The following YY1 variants were observed in gnomAD, a reference collection of about 807,000 sequenced individuals.
YY1 encodes the protein YY1 transcription factor.
A neutral mutation model predicts 35.6 loss-of-function variants in YY1; 2 were observed. The ratio of observed to expected loss-of-function variants is 0.06; its 90% CI spans 0.02 to 0.18. The LOEUF (loss-of-function observed/expected upper bound fraction) is 0.18. YY1 is among the 10% of genes least tolerant of loss of function. YY1 has a pLI of 1.00. For synonymous variants in YY1, 268 were observed against 238.9 expected, an observed-to-expected ratio of 1.12 and a Z score of -1.12; for missense variants, 322 against 573.4, an observed-to-expected ratio of 0.56 and a Z score of 4.48.
chr14:100,256,295 AC>A (rs1245908222), intron 1 of YY1, among the ~76,000 whole-genome samples: 1 of 152,086 alleles, frequency 6.6e-6, no homozygotes, highest in Non-Finnish European at 1.5e-5. Flanking sequence ...CCAAAGAGGA[AC>A]TCTAAATCTT....
intron 1 of YY1, among the ~76,000 whole-genome samples, chr14:100,258,911 T>A (rs1232981805): frequency 6.6e-6 from 1 of 152,230 alleles, no homozygotes; most frequent in Non-Finnish European, 1.5e-5. Flanking sequence ...ACGTTCTATC[T>A]TGATCTTCCT....
At chr14:100,272,487 C>G (rs1382248227) in intron 2 of YY1, among the ~76,000 whole-genome samples, 1 of 152,124 alleles carries the variant, frequency 6.6e-6, no homozygotes, top group Non-Finnish European at 1.5e-5. Flanking sequence ...TCAGGTCATC[C>G]TTTTCCCAGA....
intron 1 of YY1, among the ~76,000 whole-genome samples, chr14:100,249,981 C>A (rs1238781190): frequency 1.3e-5 from 2 of 152,102 alleles, no homozygotes; most frequent in Non-Finnish European, 2.9e-5. Context: ...GCATGTTGGT[C>A]AGGCTGGTCT....
chr14:100,263,987 C>A (rs1042356403), intron 2 of YY1: 1 of 152,292 alleles, frequency 6.6e-6, no homozygotes, highest in African/African-American at 2.4e-5. Context: ...GTAGCTGGAA[C>A]TACAGGTGTG....
At chr14:100,266,090 A>C (rs187195678) in intron 2 of YY1, among the ~76,000 whole-genome samples, 14 of 152,318 alleles carry the variant, frequency 9.2e-5, no homozygotes, top group Admixed American at 3.3e-4. Context: ...GAAACCCCTG[A>C]TAAACCCATC....
chr14:100,270,621 T>C (rs550425944), intron 2 of YY1, among the ~76,000 whole-genome samples: 1 of 148,722 alleles, frequency 6.7e-6, no homozygotes, highest in African/African-American at 2.5e-5. Flanking sequence ...AAACTCCATC[T>C]CAAAAAAGAA....
chr14:100,248,250 G>A (rs1250401261), intron 1 of YY1, among the ~76,000 whole-genome samples: 2 of 151,546 alleles, frequency 1.3e-5, no homozygotes, highest in Non-Finnish European at 2.9e-5. Context: ...CAGGTAGCTG[G>A]GACTACAGGC....
At chr14:100,253,956 A>G (rs1890962398) in intron 1 of YY1, among the ~76,000 whole-genome samples, 1 of 151,828 alleles carries the variant, frequency 6.6e-6, no homozygotes, top group Admixed American at 6.6e-5. Flanking sequence ...TTGCCTTCCC[A>G]GTAGCTGAGA....
chr14:100,259,177 T>C (rs1891045400), intron 1 of YY1, among the ~76,000 whole-genome samples: 3 of 152,212 alleles, frequency 2.0e-5, no homozygotes, highest in Admixed American at 1.3e-4. Context: ...CTATTTCTAA[T>C]TTAGGCATCA....
chr14:100,246,417 C>G lies in YY1; in HGVS notation c.679+6494C>G, dbSNP rs75280843. ...AGTCGATGGTCCCTCCCCTGGTGTGCCCAGGTTGGCCTCATGCTCCGGGTA... is the reference window on the plus strand; with the variant it reads ...AGTCGATGGTCCCTCCCCTGGTGTGGCCAGGTTGGCCTCATGCTCCGGGTA... On this transcript the variant is annotated intron_variant, in intron 1 of 4. Coordinates refer to ENST00000262238, the MANE Select transcript of YY1 (RefSeq NM_003403.5). Among the ~76,000 whole-genome samples, 1,273 of 152,292 alleles carry G rather than the reference C, an allele frequency of 8.4e-3. 12 individuals are homozygous for G. The highest frequency in any genetic ancestry group is 0.028 in the African/African-American group (1,146 of 41,552).
At chr14:100,244,397 C>T (rs1467072507) in intron 1 of YY1, among the ~76,000 whole-genome samples, 1 of 127,334 alleles carries the variant, frequency 7.9e-6, no homozygotes, top group Non-Finnish European at 1.6e-5. Flanking sequence ...GAGATCTCGG[C>T]TCACTGCAAC....
intron 2 of YY1, among the ~76,000 whole-genome samples, chr14:100,273,324 G>A (rs1180562380): frequency 6.6e-6 from 1 of 151,934 alleles, no homozygotes; most frequent in East Asian, 1.9e-4. Context: ...GTTTCGTTCT[G>A]TCACTTAGGC....
In YY1 at chr14:100,258,479, G is replaced by A. The variant is rs542004882; in HGVS notation, c.680-3825G>A. Among the ~76,000 whole-genome samples the A allele has an allele frequency of 3.3e-5, 5 of 152,298 alleles. No homozygotes were observed. In the South Asian group the frequency reaches 1.0e-3, roughly 32 times the overall value. On this transcript the variant is annotated intron_variant, in intron 1 of 4. Transcript: ENST00000262238. ...TCACTAGTGTTCTTTCTGAACAAGA[G>A]GCAGCAGAGCTTAACAGTTAAGCAT...
At chr14:100,248,685 T>A (rs898474469) in intron 1 of YY1, among the ~76,000 whole-genome samples, 3 of 148,240 alleles carry the variant, frequency 2.0e-5, no homozygotes, top group Non-Finnish European at 4.5e-5. Flanking sequence ...AATTCTTTTT[T>A]TTTTTTTTTT....
Position 100,276,734 on chromosome 14 carries a change from G to C in YY1, c.1062+86G>C. 6.3e-7 allele frequency: 1 copy of C among 1,596,260 alleles called. No homozygotes were observed. The highest frequency in any genetic ancestry group is 8.6e-7 in the Non-Finnish European group (1 of 1,169,234). Reference sequence around the variant, plus strand: ...GTGGTGTGGTGATGAGGCAGGAGGCGCCAGCCCAGAGACTCAGGGTCTTAT... The same window carrying C: ...GTGGTGTGGTGATGAGGCAGGAGGCCCCAGCCCAGAGACTCAGGGTCTTAT... On this transcript the variant is annotated intron_variant, in intron 4 of 4. Coordinates refer to ENST00000262238, the MANE Select transcript of YY1 (RefSeq NM_003403.5). This position sits in a 1 kb window ranked among gnomAD's most constrained non-coding sequence, Gnocchi z 4.1.
At chr14:100,246,187 C>T (rs1164175233) in intron 1 of YY1, among the ~76,000 whole-genome samples, 1 of 152,196 alleles carries the variant, frequency 6.6e-6, no homozygotes, top group Non-Finnish European at 1.5e-5. Context: ...TGGTCACCCC[C>T]ACCCCGTTTC....
intron 1 of YY1, among the ~76,000 whole-genome samples, chr14:100,255,398 C>T (rs1286774371): frequency 1.3e-5 from 2 of 152,066 alleles, no homozygotes; most frequent in African/African-American, 4.8e-5. Context: ...GTGGGCGGAT[C>T]ACCTGAGATC....
chr14:100,239,406 C>G lies in YY1; in HGVS notation c.162C>G (p.Gly54=). ...EEEEDDDDED[G]GGGDHGGGGG... Reference sequence around the variant, plus strand: ...AGGAGGACGACGACGACGAGGACGGCGGCGGTGGCGACCACGGCGGCGGGG... The same window carrying G: ...AGGAGGACGACGACGACGAGGACGGGGGCGGTGGCGACCACGGCGGCGGGG... Residue 54 remains glycine, a synonymous_variant, in exon 1 of 5, where the codon GGC becomes GGG. Coordinates refer to ENST00000262238, the MANE Select transcript of YY1 (RefSeq NM_003403.5). The G allele has an allele frequency of 4.4e-6, 7 of 1,596,212 alleles. No individual in the cohort carries two copies. Among genetic ancestry groups the G allele is most frequent in the Non-Finnish European group, 6.0e-6 (7 of 1,172,682 alleles).
At chr14:100,244,608 G>C (rs1218854681) in intron 1 of YY1, among the ~76,000 whole-genome samples, 1 of 149,842 alleles carries the variant, frequency 6.7e-6, no homozygotes, top group African/African-American at 2.5e-5. Flanking sequence ...TTTGAGGCAG[G>C]GTCTCATTCT....
Sources: gnomAD v4.1 joint callset for allele counts (sites outside exome capture counted in the v4.1 genomes callset) on GRCh38, gnomAD v4.1.1 for gene constraint, Gnocchi (gnomAD v3.1) non-coding constraint, MANE v1.5 for transcripts, NCBI Gene and HGNC (gene_info 2026-07-23, HGNC 2026-07-21) for gene names.